Variants in ARHGEF10 observed in about 807,000 individuals in gnomAD.
ARHGEF10 encodes Rho guanine nucleotide exchange factor (GEF) 10.
A neutral mutation model predicts 147.4 loss-of-function variants in ARHGEF10; 140 were observed. The observed-to-expected ratio is 0.95, with a 90% confidence interval of 0.83 to 1.09. The LOEUF is 1.09. Ranked by LOEUF, ARHGEF10 falls within the 50% of genes least tolerant of loss-of-function variation. ARHGEF10 has a pLI of 0.00. For synonymous variants in ARHGEF10, 902 were observed against 695.8 expected, an observed-to-expected ratio of 1.30 and a Z score of -4.67; for missense variants, 2,222 against 1,752.7, an observed-to-expected ratio of 1.27 and a Z score of -4.78.
In ARHGEF10 at chr8:1,833,198, A is replaced by G. The variant is rs1316694782; in HGVS notation, c.-48+9085A>G. 1.3e-4 allele frequency among the ~76,000 whole-genome samples: 20 copies of G among 151,418 alleles called. No individual in the cohort carries two copies. In the South Asian group the frequency reaches 4.0e-3, roughly 30 times the overall value. The stretch of plus-strand genomic sequence containing the variant: ...CAGAGGGAGGCAGAGACAGAAGCAG[A>G]GACAGAGGCAGAGGCAGAAGCAGAG... On this transcript the variant is annotated intron_variant, in intron 1 of 28. Coordinates refer to ENST00000349830, the MANE Select transcript of ARHGEF10 (RefSeq NM_014629.4).
chr8:1,835,551 T>C (rs1803530004), intron 1 of ARHGEF10, among the ~76,000 whole-genome samples: 1 of 152,194 alleles, frequency 6.6e-6, no homozygotes, highest in African/African-American at 2.4e-5. Flanking sequence ...GCTAGCACGC[T>C]CATGCCGTCC....
chr8:1,874,788 G>T (rs553572238), intron 7 of ARHGEF10, among the ~76,000 whole-genome samples: 2 of 148,530 alleles, frequency 1.3e-5, no homozygotes, highest in East Asian at 2.0e-4. Context: ...GGGCGTGTAG[G>T]GGGTAGAGGT....
At position 1,892,567 on chromosome 8, in the gene ARHGEF10, G is replaced by A. The variant is rs78371477; in HGVS notation, c.1183-1002G>A. Among the ~76,000 whole-genome samples, 141 of 151,956 alleles carry A rather than the reference G, an allele frequency of 9.3e-4. No individual in the cohort carries two copies. The East Asian group carries it at 0.014, about 16-fold the overall frequency. ...TGCTCTTTGCCCGCTAGGTGGCAACGCAGTCCCTTCAAATAGCATAATCCA... is the reference window on the plus strand; with the variant it reads ...TGCTCTTTGCCCGCTAGGTGGCAACACAGTCCCTTCAAATAGCATAATCCA... On this transcript the variant is annotated intron_variant, in intron 11 of 28. Coordinates refer to ENST00000349830, the MANE Select transcript of ARHGEF10 (RefSeq NM_014629.4).
At chr8:1,950,982 G>A (rs1328324845) in intron 27 of ARHGEF10, among the ~76,000 whole-genome samples, 1 of 152,178 alleles carries the variant, frequency 6.6e-6, no homozygotes, top group Non-Finnish European at 1.5e-5. Context: ...CCGGCACGCA[G>A]GTGGGGCTTC....
chr8:1,852,199 C>A (rs1805208414), intron 2 of ARHGEF10, among the ~76,000 whole-genome samples: 1 of 152,156 alleles, frequency 6.6e-6, no homozygotes, highest in Non-Finnish European at 1.5e-5. Context: ...GTCCTGCGGG[C>A]CCTCTAGAAC....
At chr8:1,826,466 G>C (rs1163080388) in intron 1 of ARHGEF10, among the ~76,000 whole-genome samples, 1 of 152,066 alleles carries the variant, frequency 6.6e-6, no homozygotes, top group Non-Finnish European at 1.5e-5. Flanking sequence ...GTTGTAGATA[G>C]AGGCGTTGGG....
chr8:1,838,452 G>T (rs1046229322), intron 1 of ARHGEF10, among the ~76,000 whole-genome samples: 2 of 152,262 alleles, frequency 1.3e-5, no homozygotes, highest in African/African-American at 4.8e-5. Flanking sequence ...CGCCCAGCCT[G>T]GGGAGAAGCC....
At position 1,908,177 on chromosome 8, in the gene ARHGEF10, C is replaced by T. The variant is rs550254528; in HGVS notation, c.1968-1118C>T. Among the ~76,000 whole-genome samples, 9 of 151,014 alleles carry T rather than the reference C, an allele frequency of 6.0e-5. No homozygotes were observed. The East Asian group carries it at 1.7e-3, about 29-fold the overall frequency. ...ACGGGCTCCCAGCCAGTCAGGTGCTCAGTCCAATGCATAGCACCCGGCATT... is the reference window on the plus strand; with the variant it reads ...ACGGGCTCCCAGCCAGTCAGGTGCTTAGTCCAATGCATAGCACCCGGCATT... On this transcript the variant is annotated intron_variant, in intron 17 of 28. Transcript: ENST00000349830.
chr8:1,926,957 C>G (rs1812739259), intron 23 of ARHGEF10: 1 of 243,736 alleles, frequency 4.1e-6, no homozygotes, highest in African/African-American at 2.3e-5. Context: ...TCTCCCCTCT[C>G]TGGTTTCCTG....
intron 21 of ARHGEF10, 146 bp from the exon 22 acceptor site, chr8:1,925,137 C>A: frequency 1.0e-6 from 1 of 1,000,028 alleles, no homozygotes. Context: ...AGAGATTGTA[C>A]TGCTTTCCAC....
chr8:1,874,832 CA>C (rs1290054857), intron 7 of ARHGEF10, among the ~76,000 whole-genome samples: 2 of 141,108 alleles, frequency 1.4e-5, no homozygotes, highest in Admixed American at 7.0e-5. Context: ...TGGAGACACA[CA>C]CCACGGCGTG....
At chr8:1,862,787 T>C (rs1411221467) in intron 4 of ARHGEF10, among the ~76,000 whole-genome samples, 1 of 148,164 alleles carries the variant, frequency 6.7e-6, no homozygotes, top group Non-Finnish European at 1.5e-5. Flanking sequence ...TTTTTTTTTT[T>C]TTTTTTTTTG....
chr8:1,893,877 C>T (rs1388451500), intron 12 of ARHGEF10, among the ~76,000 whole-genome samples: 1 of 151,884 alleles, frequency 6.6e-6, no homozygotes, highest in Non-Finnish European at 1.5e-5. Flanking sequence ...TTTATCTAAG[C>T]TTTAAAAATG....
intron 28 of ARHGEF10, among the ~76,000 whole-genome samples, chr8:1,956,509 A>G (rs1815576449): frequency 6.6e-6 from 1 of 152,240 alleles, no homozygotes; most frequent in African/African-American, 2.4e-5. Context: ...GTGCTGAGGA[A>G]AACACAACTT....
chr8:1,844,432 C>T, intron 2 of ARHGEF10, among the ~76,000 whole-genome samples: 1 of 152,070 alleles, frequency 6.6e-6, no homozygotes, highest in African/African-American at 2.4e-5. Context: ...TCACCGGGGC[C>T]TGCTGGACGA....
chr8:1,894,451 A>C lies in ARHGEF10; in HGVS notation c.1319A>C (p.Lys440Thr), dbSNP rs2129157454. 1.9e-6 allele frequency: 3 copies of C among 1,614,224 alleles called. No homozygotes were observed. In the East Asian group the frequency reaches 6.7e-5, roughly 36 times the overall value. ...AAGGTTCTGAGTGAGAGGAAGCTGA[A>C]GACGGTGTTCTACCGAGTCAAAGAG... ...EPKVLSERKLKTVFYRVKEIL... is the reference protein window; with the variant it reads ...EPKVLSERKLTTVFYRVKEIL... Residue 440 changes from lysine (K) to threonine (T), a missense_variant, in exon 13 of 29, where the codon AAG becomes ACG. Physicochemically the swap from Lys to Thr is moderately conservative, Grantham distance 78. Transcript: ENST00000349830.
chr8:1,880,435 A>T (rs1808090056), intron 9 of ARHGEF10, among the ~76,000 whole-genome samples: 1 of 152,200 alleles, frequency 6.6e-6, no homozygotes, highest in South Asian at 2.1e-4. Flanking sequence ...TCTACTAGAG[A>T]GGGGTTTCCA....
chr8:1,830,845 G>A (rs1259670768), intron 1 of ARHGEF10, among the ~76,000 whole-genome samples: 1 of 152,226 alleles, frequency 6.6e-6, no homozygotes, highest in Non-Finnish European at 1.5e-5. Context: ...CATGGCAGGC[G>A]AGGCGCCAAG....
At chr8:1,869,571 G>T (rs1006950080) in intron 7 of ARHGEF10, 35 of 464,650 alleles carry the variant, frequency 7.5e-5, no homozygotes, top group South Asian at 7.2e-4. Flanking sequence ...AATGACATCA[G>T]TGAGAAAGTA....
Sources: gnomAD v4.1 joint callset for allele counts (sites outside exome capture counted in the v4.1 genomes callset) on GRCh38, gnomAD v4.1.1 for gene constraint, MANE v1.5 for transcripts, NCBI Gene and HGNC (gene_info 2026-07-23, HGNC 2026-07-21) for gene names.